SYT14: variants seen among roughly 807,000 people sequenced by gnomAD.
The protein encoded by SYT14 is synaptotagmin-14.
In SYT14, 32 loss-of-function variants were observed where a neutral mutation model predicts 74.2. The ratio of observed to expected loss-of-function variants is 0.43; its 90% CI spans 0.33 to 0.58. The LOEUF (loss-of-function observed/expected upper bound fraction) is 0.58, where lower values mean the gene tolerates loss of function less well. SYT14 is among the 20% of genes least tolerant of loss of function. SYT14 has a pLI of 0.05. For synonymous variants in SYT14, 298 were observed against 337.7 expected (o/e 0.88, Z 1.29); for missense variants, 791 against 981.8 (o/e 0.81, Z 2.60).
intron 2 of SYT14, among the ~76,000 whole-genome samples, chr1:209,953,973 A>G (rs2078952794): frequency 6.6e-6 from 1 of 152,238 alleles, no homozygotes; most frequent in Non-Finnish European, 1.5e-5. Flanking sequence ...ATTTCTCTAC[A>G]TAAACATTTG....
chr1:209,952,818 G>C, intron 2 of SYT14, 62 bp downstream of exon 2: 3 of 1,430,456 alleles, frequency 2.1e-6, no homozygotes, highest in Non-Finnish European at 2.9e-6. Context: ...GTGTATAATA[G>C]ATTTTAGTAG....
At chr1:210,080,160 A>T (rs906011436) in intron 5 of SYT14, among the ~76,000 whole-genome samples, 2 of 152,198 alleles carry the variant, frequency 1.3e-5, no homozygotes, top group Non-Finnish European at 2.9e-5. Context: ...ATTTAAAGCA[A>T]TGGATTTGAA....
intron 5 of SYT14, among the ~76,000 whole-genome samples, chr1:210,043,991 C>T (rs1479726623): frequency 6.6e-6 from 1 of 151,940 alleles, no homozygotes; most frequent in Non-Finnish European, 1.5e-5. Context: ...TTAAAATATA[C>T]TTTTGCATTG....
rs535810045 is a variant in SYT14 at position 210,008,827 on chromosome 1, C to T, written c.-485-4806C>T. Reference sequence around the variant, plus strand: ...ACTTTCTAAGCAGATTCATAGTATACAAAGATTTTAGGGGAAATTCTACTC... The same window carrying T: ...ACTTTCTAAGCAGATTCATAGTATATAAAGATTTTAGGGGAAATTCTACTC... On this transcript the variant is annotated intron_variant, in intron 2 of 9. Transcript: ENST00000637265. 6.6e-4 allele frequency among the ~76,000 whole-genome samples: 101 copies of T among 152,170 alleles called. 2 individuals are homozygous for T. The South Asian group carries it at 0.02, about 31-fold the overall frequency.
In SYT14 at chr1:210,155,716, T is replaced by C. The variant is rs1213512936; in HGVS notation, c.2035-5T>C. The C allele has an allele frequency of 1.2e-6, 2 of 1,613,816 alleles. No individual in the cohort carries two copies. Among genetic ancestry groups the C allele is most frequent in the African/African-American group, 1.3e-5 (1 of 74,942 alleles). ...ATACTATAAAAATGTTATTATTGAT[T>C]ACAGGGCTGTGACTCCCAAATGAGC... On this transcript the variant is annotated splice_polypyrimidine_tract_variant and splice_region_variant and intron_variant, in intron 7 of 9. Coordinates refer to ENST00000637265, the Ensembl canonical transcript of SYT14.
At chr1:210,038,536 G>C (rs1029069543) in intron 5 of SYT14, among the ~76,000 whole-genome samples, 3 of 152,020 alleles carry the variant, frequency 2.0e-5, no homozygotes, top group Non-Finnish European at 4.4e-5. Context: ...ATACTTTTGT[G>C]TGCTTTTATG....
chr1:210,000,613 CT>C (rs71146203), intron 2 of SYT14, among the ~76,000 whole-genome samples: 31,884 of 105,000 alleles, frequency 0.3, 3,861 homozygotes, highest in Middle Eastern at 0.36. Flanking sequence ...TTTATGCCTT[CT>C]TTTTTTTTTT....
rs1307185162 is a variant in SYT14 at position 210,114,293 on chromosome 1, G to A, written c.2034+13832G>A. On this transcript the variant is annotated intron_variant, in intron 7 of 9. Coordinates refer to ENST00000637265, the Ensembl canonical transcript of SYT14. ...CTTAAAGCAAGATCCTGGGGGAGGA[G>A]GTCCTGAAGGAACGCCTGACCACTG... Among the ~76,000 whole-genome samples the A allele has an allele frequency of 2.0e-5, 3 of 151,394 alleles. 1 individual carries two copies. The highest frequency in any genetic ancestry group is 7.4e-5 in the African/African-American group (3 of 40,658).
At chr1:209,985,900 G>C (rs1387000057) in intron 2 of SYT14, among the ~76,000 whole-genome samples, 1 of 152,220 alleles carries the variant, frequency 6.6e-6, no homozygotes, top group Non-Finnish European at 1.5e-5. Flanking sequence ...GCTGGAGCCA[G>C]AGTGGCCGGG....
intron 2 of SYT14, among the ~76,000 whole-genome samples, chr1:209,988,294 T>C (rs781540044): frequency 3.3e-5 from 5 of 152,214 alleles, no homozygotes; most frequent in Non-Finnish European, 7.3e-5. Flanking sequence ...ATTTAGGCTT[T>C]TAAGAAAAGT....
At chr1:210,106,779 C>T (rs553453317) in intron 7 of SYT14, among the ~76,000 whole-genome samples, 2 of 152,212 alleles carry the variant, frequency 1.3e-5, no homozygotes, top group Admixed American at 6.5e-5. Flanking sequence ...TCATTCTGCC[C>T]TTGGCCACCC....
chr1:210,161,911 G>A lies in SYT14; in HGVS notation c.*869G>A, dbSNP rs543298666. On this transcript the variant is annotated 3_prime_UTR_variant, in exon 10 of 10. Transcript: ENST00000637265. ...ATTGACTCTTCAAAATTGCAGTAGT[G>A]TGAAAATACATTTTTTACAAACTGA... 4.0e-5 allele frequency: 18 copies of A among 452,418 alleles called. No homozygotes were observed. In the East Asian group the frequency reaches 7.6e-4, roughly 19 times the overall value. 28.0% of individuals were successfully genotyped at this position (452,418 alleles called of 1,614,324 possible).
chr1:210,002,308 T>C (rs2079915888), intron 2 of SYT14, among the ~76,000 whole-genome samples: 2 of 152,036 alleles, frequency 1.3e-5, no homozygotes, highest in African/African-American at 2.4e-5. Context: ...TTATGGACAT[T>C]AATATTTTTT....
At chr1:209,989,357 A>G (rs2079625521) in intron 2 of SYT14, among the ~76,000 whole-genome samples, 1 of 152,220 alleles carries the variant, frequency 6.6e-6, no homozygotes, top group Admixed American at 6.5e-5. Flanking sequence ...TTAAGAGGAG[A>G]CAGAAATTTG....
exon 10 of SYT14, chr1:210,161,872 A>C: frequency 2.2e-6 from 1 of 450,820 alleles, no homozygotes; most frequent in Non-Finnish European, 4.4e-6. Flanking sequence ...TTTACTTTCA[A>C]ATTTCTTTCA....
chr1:210,092,627 G>A (rs1029135579), intron 5 of SYT14, among the ~76,000 whole-genome samples: 1 of 152,076 alleles, frequency 6.6e-6, no homozygotes, highest in East Asian at 1.9e-4. Flanking sequence ...GGGTTTTTTG[G>A]CTATGACTTG....
intron 5 of SYT14, among the ~76,000 whole-genome samples, chr1:210,082,579 A>G (rs1404629424): frequency 6.6e-6 from 1 of 152,220 alleles, no homozygotes; most frequent in Non-Finnish European, 1.5e-5. Flanking sequence ...AGACCTACCT[A>G]TCTCTTAGAG....
chr1:210,016,042 A>G, exon 4 of SYT14: 1 of 1,232,116 alleles, frequency 8.1e-7, no homozygotes, highest in East Asian at 3.2e-5. Context: ...ATCTGCCTTC[A>G]GTGTCCTCTC....
intron 1 of SYT14, among the ~76,000 whole-genome samples, chr1:209,942,463 T>C (rs557792477): frequency 6.7e-6 from 1 of 150,118 alleles, no homozygotes; most frequent in Non-Finnish European, 1.5e-5. Context: ...TGCATTATAG[T>C]TCACCTCCCA....
Sources: gnomAD v4.1 joint callset for allele counts (sites outside exome capture counted in the v4.1 genomes callset) on GRCh38, gnomAD v4.1.1 for gene constraint, MANE v1.5 for transcripts, NCBI Gene and HGNC (gene_info 2026-07-23, HGNC 2026-07-21) for gene names.